Variants in UBASH3A observed in about 807,000 individuals in gnomAD.
UBASH3A encodes ubiquitin-associated and SH3 domain-containing protein A.
UBASH3A carries 63 observed loss-of-function variants against 73.5 expected under a neutral mutation model. The ratio of observed to expected loss-of-function variants is 0.86; its 90% CI spans 0.70 to 1.06. The LOEUF (loss-of-function observed/expected upper bound fraction) is 1.06. Among genes scored for constraint, UBASH3A ranks in the 50% least tolerant of loss-of-function variants. The pLI is 0.00. For missense variants in UBASH3A, 860 were observed against 859.0 expected (o/e 1.00, Z -0.02); for synonymous variants, 363 against 351.1 (o/e 1.03, Z -0.38).
intron 7 of UBASH3A, among the ~76,000 whole-genome samples, chr21:42,423,364 T>G (rs1419931583): frequency 6.6e-6 from 1 of 152,188 alleles, no homozygotes; most frequent in Non-Finnish European, 1.5e-5. Context: ...CTCCCCTGCT[T>G]GAGAGGTGAG....
At chr21:42,407,538 G>T (rs778108564) in intron 2 of UBASH3A, among the ~76,000 whole-genome samples, 2 of 152,224 alleles carry the variant, frequency 1.3e-5, no homozygotes, top group Non-Finnish European at 2.9e-5. Flanking sequence ...AGGCAATGGG[G>T]TCCCCTAGAC....
In UBASH3A at chr21:42,425,436, C is replaced by T. The variant is rs141893853; in HGVS notation, c.1047-1261C>T. On this transcript the variant is annotated intron_variant, in intron 7 of 14. Coordinates refer to ENST00000319294, the MANE Select transcript of UBASH3A (RefSeq NM_018961.4). ...TCGCCTTGCCCTCAGGAAGGGGAAA[C>T]CAACCAATATTTCCTGTGCTAATGT... 2.0e-3 allele frequency among the ~76,000 whole-genome samples: 309 copies of T among 152,312 alleles called. 1 individual carries two copies. Among genetic ancestry groups the T allele is most frequent in the African/African-American group, 6.9e-3 (287 of 41,572 alleles).
intron 14 of UBASH3A, 39 bp from the exon 15 acceptor site, chr21:42,447,018 C>A: frequency 6.3e-7 from 1 of 1,596,744 alleles, no homozygotes; most frequent in Non-Finnish European, 8.5e-7. Context: ...GATGGACTTG[C>A]TATAAGATAT....
rs116768318 is a variant in UBASH3A, at chr21:42,419,418, T to C, written c.1046+809T>C. On this transcript the variant is annotated intron_variant, in intron 7 of 14. Coordinates refer to ENST00000319294, the MANE Select transcript of UBASH3A (RefSeq NM_018961.4). ...CACTTTGTTTGGAAATAGCCTTAGC[T>C]ATGTGACCAACATCATCGCTTACAA... 4.2e-3 allele frequency among the ~76,000 whole-genome samples: 643 copies of C among 152,344 alleles called. 3 individuals carry two copies. Among genetic ancestry groups the C allele is most frequent in the African/African-American group, 0.015 (605 of 41,580 alleles).
At chr21:42,437,602 C>A in intron 11 of UBASH3A, 22 bp downstream of exon 11, 1 of 1,603,600 alleles carries the variant, frequency 6.2e-7, no homozygotes, top group South Asian at 1.1e-5. Flanking sequence ...CCTCGGTGAG[C>A]CTCTCCTACT....
chr21:42,434,537 A>G (rs1380963389), intron 9 of UBASH3A, among the ~76,000 whole-genome samples: 1 of 152,240 alleles, frequency 6.6e-6, no homozygotes, highest in Admixed American at 6.5e-5. Context: ...GTTCTTCATC[A>G]GGAAAATGTA....
At chr21:42,440,163 C>G (rs566482766) in intron 11 of UBASH3A, among the ~76,000 whole-genome samples, 1 of 152,358 alleles carries the variant, frequency 6.6e-6, no homozygotes, top group East Asian at 1.9e-4. Flanking sequence ...CCGCCTCTCC[C>G]TGTTCCCATG....
chr21:42,415,129 T>C (rs974221337), intron 5 of UBASH3A, among the ~76,000 whole-genome samples: 27 of 152,318 alleles, frequency 1.8e-4, no homozygotes, highest in African/African-American at 6.5e-4. Flanking sequence ...CTTGCCCGCG[T>C]TGGTCCTCCC....
At chr21:42,439,503 T>C (rs929867452) in intron 11 of UBASH3A, among the ~76,000 whole-genome samples, 121 of 152,238 alleles carry the variant, frequency 7.9e-4, no homozygotes, top group Non-Finnish European at 1.5e-5. Context: ...TCAGCTTCTT[T>C]GACCAAACCA....
rs2053701828 is a variant in UBASH3A, at chr21:42,439,822, A to T, written c.1486+2242A>T. On this transcript the variant is annotated intron_variant, in intron 11 of 14. Coordinates refer to ENST00000319294, the MANE Select transcript of UBASH3A (RefSeq NM_018961.4). ...ACCACACACCACACACACCACCTAC[A>T]CCCACACACACCCACACACAACACA... is the stretch of plus-strand genomic sequence containing the variant. Among the ~76,000 whole-genome samples the T allele has an allele frequency of 2.3e-5, 3 of 131,610 alleles. No individual in the cohort carries two copies. The Admixed American group carries it at 2.3e-4, about 10-fold the overall frequency. 86.3% of individuals were successfully genotyped at this position (131,610 alleles called of 152,430 possible).
chr21:42,405,324 C>T (rs2052946985), intron 1 of UBASH3A, among the ~76,000 whole-genome samples: 1 of 152,166 alleles, frequency 6.6e-6, no homozygotes. Context: ...GACACTGGGC[C>T]CAGAGAGTGC....
In UBASH3A at chr21:42,421,937, A is replaced by G. The variant is rs191035651; in HGVS notation, c.1046+3328A>G. ...AGAATTTGCAAGAAATAGTAGTAAAAATAATGGAAGTATTGTCTGAAATAT... is the reference window on the plus strand; with the variant it reads ...AGAATTTGCAAGAAATAGTAGTAAAGATAATGGAAGTATTGTCTGAAATAT... On this transcript the variant is annotated intron_variant, in intron 7 of 14. Coordinates refer to ENST00000319294, the MANE Select transcript of UBASH3A (RefSeq NM_018961.4). Among the ~76,000 whole-genome samples the G allele has an allele frequency of 2.6e-4, 40 of 152,370 alleles. No individual in the cohort carries two copies. In the East Asian group the frequency reaches 7.3e-3, roughly 28 times the overall value.
chr21:42,438,688 C>G (rs1247734449), intron 11 of UBASH3A, among the ~76,000 whole-genome samples: 1 of 151,992 alleles, frequency 6.6e-6, no homozygotes, highest in Non-Finnish European at 1.5e-5. Context: ...AGGCCGAGCA[C>G]GGGGGAGGTG....
chr21:42,420,460 G>A (rs1045191941), intron 7 of UBASH3A, among the ~76,000 whole-genome samples: 1 of 152,148 alleles, frequency 6.6e-6, no homozygotes, highest in Non-Finnish European at 1.5e-5. Context: ...CAGATACAAA[G>A]GGCTGACTAT....
intron 14 of UBASH3A, among the ~76,000 whole-genome samples, chr21:42,445,149 A>G (rs2053823658): frequency 6.6e-6 from 1 of 152,232 alleles, no homozygotes; most frequent in South Asian, 2.1e-4. Context: ...ACAGAGGATA[A>G]CGCACACGTG....
Position 42,413,406 on chromosome 21 carries a change from C to A in UBASH3A, c.554-4C>A. On this transcript the variant is annotated splice_region_variant and splice_polypyrimidine_tract_variant and intron_variant, in intron 4 of 14. Coordinates refer to ENST00000319294, the MANE Select transcript of UBASH3A (RefSeq NM_018961.4). This position sits in a 1 kb window ranked among gnomAD's most constrained non-coding sequence, Gnocchi z 4.5. Reference sequence around the variant, plus strand: ...GCTCAGTGGCTGCACCTGTCCTCACCCAGGCACTTCCGTTTCCCGCTTCTG... The same window carrying A: ...GCTCAGTGGCTGCACCTGTCCTCACACAGGCACTTCCGTTTCCCGCTTCTG... 6.2e-7 allele frequency: 1 copy of A among 1,611,122 alleles called. No homozygotes were observed. The highest frequency in any genetic ancestry group is 8.5e-7 in the Non-Finnish European group (1 of 1,178,512).
chr21:42,418,052 T>C (rs149817018), intron 6 of UBASH3A, among the ~76,000 whole-genome samples: 20 of 151,892 alleles, frequency 1.3e-4, no homozygotes, highest in Middle Eastern at 3.4e-3. Flanking sequence ...TCCAGCTAAT[T>C]TTTGTATTTT....
At chr21:42,444,838 G>A (rs1601608789) in intron 14 of UBASH3A, among the ~76,000 whole-genome samples, 195 bp downstream of exon 14, 1 of 152,344 alleles carries the variant, frequency 6.6e-6, no homozygotes, top group South Asian at 2.1e-4. Context: ...GGATAGGTCA[G>A]TCAACCTCAT....
rs371712664 is a variant in UBASH3A, at chr21:42,423,779, A to G, written c.1047-2918A>G. On this transcript the variant is annotated intron_variant, in intron 7 of 14. Transcript: ENST00000319294. ...CTCTTGAGAATTAATCAGTATTAAC[A>G]AAAATTGCAATGAAAGGAAAGAGAA... 2.0e-5 allele frequency among the ~76,000 whole-genome samples: 3 copies of G among 152,330 alleles called. 1 individual carries two copies. Among genetic ancestry groups the G allele is most frequent in the East Asian group, 1.9e-4 (1 of 5,174 alleles).
Sources: allele counts gnomAD v4.1 joint callset (sites outside exome capture counted in the v4.1 genomes callset), GRCh38; gene constraint gnomAD v4.1.1; non-coding constraint Gnocchi (gnomAD v3.1); transcripts MANE v1.5; gene names NCBI Gene and HGNC (gene_info 2026-07-23, HGNC 2026-07-21).